Variants in CHRM3 observed in about 807,000 individuals in gnomAD.
CHRM3 encodes the protein muscarinic acetylcholine receptor M3.
CHRM3 carries 11 observed loss-of-function variants against 41.8 expected under a neutral mutation model. The observed-to-expected ratio is 0.26, with a 90% CI of 0.17 to 0.44. CHRM3 has a LOEUF of 0.44. Ranked by LOEUF, CHRM3 falls within the 20% of genes least tolerant of loss-of-function variation. The pLI is 1.00. For synonymous variants in CHRM3, 297 were observed against 301.4 expected, an observed-to-expected ratio of 0.99 and a Z score of 0.15; for missense variants, 571 against 745.4, an observed-to-expected ratio of 0.77 and a Z score of 2.72.
chr1:239,790,912 G>C (rs1441154081), intron 5 of CHRM3, among the ~76,000 whole-genome samples: 1 of 152,004 alleles, frequency 6.6e-6, no homozygotes, highest in Non-Finnish European at 1.5e-5. Flanking sequence ...ATAAGTTTGT[G>C]AAAAGTACTG....
intron 1 of CHRM3, among the ~76,000 whole-genome samples, chr1:239,416,279 G>A (rs1284254494): frequency 6.6e-6 from 1 of 151,688 alleles, no homozygotes; most frequent in Non-Finnish European, 1.5e-5. Flanking sequence ...ATATACTATC[G>A]ATACAGGAAC....
In CHRM3 at chr1:239,908,558, C is replaced by G; in HGVS notation, c.1107C>G (p.Leu369=). Residue 369 remains leucine (L), a synonymous_variant, in exon 7 of 7, where the codon CTC becomes CTG. Transcript: ENST00000676153. This position sits in a 1 kb window ranked among gnomAD's most constrained non-coding sequence, Gnocchi z 7.2. ...SETRAIYSIV[L]KLPGHSTILN... ...CGAGAGCCATCTACTCCATCGTGCT[C>G]AAGCTTCCGGGTCACAGCACCATCC... The G allele has an allele frequency of 6.3e-7, 1 of 1,588,506 alleles. No individual in the cohort carries two copies. The highest frequency in any genetic ancestry group is 8.6e-7 in the Non-Finnish European group (1 of 1,167,552).
intron 5 of CHRM3, among the ~76,000 whole-genome samples, chr1:239,708,517 G>C (rs531395388): frequency 1.3e-5 from 2 of 151,956 alleles, no homozygotes; most frequent in African/African-American, 4.8e-5. Context: ...ACTATCCTAC[G>C]TAAAAGAACA....
At chr1:239,801,731 A>G (rs1670231288) in intron 5 of CHRM3, among the ~76,000 whole-genome samples, 1 of 152,228 alleles carries the variant, frequency 6.6e-6, no homozygotes, top group Non-Finnish European at 1.5e-5. Flanking sequence ...TTACATAAAA[A>G]GAATTTTAAA....
intron 1 of CHRM3, among the ~76,000 whole-genome samples, chr1:239,449,725 C>G (rs1664421876): frequency 6.7e-6 from 1 of 149,302 alleles, no homozygotes; most frequent in Non-Finnish European, 1.5e-5. Flanking sequence ...GATGAATTGT[C>G]ACATTCTGGT....
At chr1:239,393,591 C>A (rs529735910) in intron 1 of CHRM3, among the ~76,000 whole-genome samples, 1 of 152,202 alleles carries the variant, frequency 6.6e-6, no homozygotes, top group Non-Finnish European at 1.5e-5. Context: ...TCCTTTCCAT[C>A]ATGCAAGGAC....
chr1:239,797,942 G>A lies in CHRM3; in HGVS notation c.-146-29310G>A, dbSNP rs964215442. ...CTTGTGCCTGTAGTCGCAGCTACTCGGGAGACTGAAGCGGGATGATCACTT... is the reference window on the plus strand; with the variant it reads ...CTTGTGCCTGTAGTCGCAGCTACTCAGGAGACTGAAGCGGGATGATCACTT... On this transcript the variant is annotated intron_variant, in intron 5 of 6. Coordinates refer to ENST00000676153, the MANE Select transcript of CHRM3 (RefSeq NM_001375978.1). 9.9e-5 allele frequency among the ~76,000 whole-genome samples: 15 copies of A among 152,094 alleles called. No homozygotes were observed. In the South Asian group the frequency reaches 1.7e-3, roughly 17 times the overall value.
At chr1:239,823,526 A>G (rs1672216396) in intron 5 of CHRM3, among the ~76,000 whole-genome samples, 1 of 152,136 alleles carries the variant, frequency 6.6e-6, no homozygotes, top group Non-Finnish European at 1.5e-5. Flanking sequence ...TAATGCCTTC[A>G]TGCCTGATCC....
intron 4 of CHRM3, among the ~76,000 whole-genome samples, chr1:239,662,135 G>GTC (rs1281446781): frequency 6.7e-6 from 1 of 149,566 alleles, no homozygotes; most frequent in Non-Finnish European, 1.5e-5. Flanking sequence ...GTGTGTGTGT[G>GTC]TGTGTGTGTA....
chr1:239,610,828 C>T (rs1309962416), intron 3 of CHRM3, among the ~76,000 whole-genome samples: 2 of 151,986 alleles, frequency 1.3e-5, no homozygotes, highest in Non-Finnish European at 2.9e-5. Context: ...CTGAGGGGGG[C>T]GGATCATGAG....
At chr1:239,630,194 G>C (rs1251939255) in intron 3 of CHRM3, among the ~76,000 whole-genome samples, 1 of 152,066 alleles carries the variant, frequency 6.6e-6, no homozygotes, top group Non-Finnish European at 1.5e-5. Flanking sequence ...ATAAAATTCA[G>C]TTGTGTTTAT....
chr1:239,763,516 G>A (rs919044388), intron 5 of CHRM3, among the ~76,000 whole-genome samples: 4 of 152,096 alleles, frequency 2.6e-5, no homozygotes, highest in South Asian at 4.1e-4. Flanking sequence ...AATATAGAGC[G>A]CTCTACAATA....
chr1:239,391,153 A>G (rs79877138), intron 1 of CHRM3, among the ~76,000 whole-genome samples: 1 of 152,198 alleles, frequency 6.6e-6, no homozygotes, highest in East Asian at 1.9e-4. Flanking sequence ...AATCATCATC[A>G]TAATAGTAAT....
intron 5 of CHRM3, among the ~76,000 whole-genome samples, chr1:239,811,401 G>A (rs140365083): frequency 0.01 from 1,593 of 152,250 alleles, 20 homozygotes; most frequent in South Asian, 0.016. Flanking sequence ...CTCCTGCACC[G>A]AAGGCTCCTT....
At chr1:239,576,776 C>T (rs1300573747) in intron 3 of CHRM3, among the ~76,000 whole-genome samples, 3 of 148,228 alleles carry the variant, frequency 2.0e-5, no homozygotes, top group African/African-American at 7.7e-5. Flanking sequence ...AGCAACAGAG[C>T]AAGACCCTAT....
chr1:239,475,887 G>A (rs1666434009), intron 1 of CHRM3, among the ~76,000 whole-genome samples: 1 of 152,112 alleles, frequency 6.6e-6, no homozygotes, highest in Non-Finnish European at 1.5e-5. Flanking sequence ...ATAATGCCAT[G>A]GAGTGGATGG....
At position 239,858,151 on chromosome 1, in the gene CHRM3, A is replaced by G. The variant is rs549537692; in HGVS notation, c.-20+30773A>G. On this transcript the variant is annotated intron_variant, in intron 6 of 6. Transcript: ENST00000676153. ...AATTAGAAAGGAAGAACACTTCAAC[A>G]ATTAAATCCATTGACCAGTTTTCAA... Among the ~76,000 whole-genome samples, 4 of 152,316 alleles carry G rather than the reference A, an allele frequency of 2.6e-5. No homozygotes were observed. In the East Asian group the frequency reaches 7.7e-4, roughly 29 times the overall value.
chr1:239,686,022 G>A (rs948816463), intron 5 of CHRM3, among the ~76,000 whole-genome samples: 3 of 151,994 alleles, frequency 2.0e-5, no homozygotes, highest in Admixed American at 6.6e-5. Context: ...TTCTGTCGTT[G>A]ACTCCCCATC....
chr1:239,672,993 G>T (rs2149066160), intron 4 of CHRM3, among the ~76,000 whole-genome samples: 1 of 152,294 alleles, frequency 6.6e-6, no homozygotes, highest in African/African-American at 2.4e-5. Flanking sequence ...CACCATGTGA[G>T]ACTCATGATG....
Sources: allele counts gnomAD v4.1 joint callset (sites outside exome capture counted in the v4.1 genomes callset), GRCh38; gene constraint gnomAD v4.1.1; non-coding constraint Gnocchi (gnomAD v3.1); transcripts MANE v1.5; gene names NCBI Gene and HGNC (gene_info 2026-07-23, HGNC 2026-07-21).